DSG4: variants seen among roughly 807,000 people sequenced by gnomAD.
The protein encoded by DSG4 is desmoglein 4, also known as desmoglein-4.
DSG4 carries 87 observed loss-of-function variants against 93.1 expected under a neutral mutation model. The observed-to-expected ratio is 0.93, with a 90% CI of 0.79 to 1.12. The LOEUF (loss-of-function observed/expected upper bound fraction) is 1.12. DSG4 is among the 50% of genes most tolerant of loss of function. The pLI is 0.00. For synonymous variants in DSG4, 432 were observed against 452.9 expected (o/e 0.95, Z 0.59); for missense variants, 1,373 against 1,285.7 (o/e 1.07, Z -1.04).
chr18:31,395,105 GGCATA>G (rs1285359967), intron 8 of DSG4, among the ~76,000 whole-genome samples: 16 of 152,104 alleles, frequency 1.1e-4, no homozygotes, highest in Admixed American at 2.6e-4. Flanking sequence ...TGAAACTAAT[GGCATA>G]GATATCATCC....
In DSG4 at chr18:31,411,433, C is replaced by T. The variant is rs1407754372; in HGVS notation, c.2340C>T (p.Asp780=). 1.2e-6 allele frequency: 2 copies of T among 1,611,918 alleles called. No individual in the cohort carries two copies. The highest frequency in any genetic ancestry group is 2.7e-5 in the African/African-American group (2 of 73,380). ...CAGACATCAACATGGCTTTCTTGGA[C>T]AGCTACTTCTCGGAGGTAATGCCCT... ...ADADINMAFL[D]SYFSEKAYAY... The change falls in exon 15 of 16, where the codon GAC becomes GAT. Residue 780 remains aspartate (D), a synonymous_variant. Transcript: ENST00000308128.
chr18:31,397,673 C>G (rs1489682494), intron 8 of DSG4, among the ~76,000 whole-genome samples: 1 of 152,028 alleles, frequency 6.6e-6, no homozygotes, highest in African/African-American at 2.4e-5. Flanking sequence ...AATATTCTTA[C>G]AAGCAAAAGT....
chr18:31,412,697 G>A (rs2072507418), intron 15 of DSG4, 131 bp from the exon 16 acceptor site: 2 of 897,354 alleles, frequency 2.2e-6, no homozygotes, highest in Non-Finnish European at 3.4e-6. Flanking sequence ...TTATTTTAAT[G>A]AGTGATTGAT....
At position 31,376,941 on chromosome 18, in the gene DSG4, C is replaced by T. The variant is rs36101975; in HGVS notation, c.30C>T (p.Cys10=). MDWLFFRNI[C]LLIILMVVME... ...ATTGGCTCTTCTTCAGAAACATTTG[C>T]CTTTTGATCATTCTAATGGTAAGTA... The change falls in exon 1 of 16, where the codon TGC becomes TGT. Residue 10 remains cysteine, a synonymous_variant. Coordinates refer to ENST00000308128, the MANE Select transcript of DSG4 (RefSeq NM_177986.5). The T allele has an allele frequency of 0.14, 228,338 of 1,612,720 alleles. 16,562 individuals carry two copies. Among genetic ancestry groups the T allele is most frequent in the Middle Eastern group, 0.21 (1,252 of 6,056 alleles).
In DSG4 at chr18:31,399,366, T is replaced by C. The variant is rs1238141961; in HGVS notation, c.1100T>C (p.Met367Thr). 1.2e-6 allele frequency: 2 copies of C among 1,614,082 alleles called. No individual in the cohort carries two copies. Among genetic ancestry groups the C allele is most frequent in the South Asian group, 1.1e-5 (1 of 91,086 alleles). Residue 367 changes from methionine to threonine, a missense_variant, in exon 9 of 16, where the codon ATG becomes ACG. By Grantham distance (81) the Met-to-Thr change is moderately conservative (BLOSUM62 -1). Coordinates refer to ENST00000308128, the MANE Select transcript of DSG4 (RefSeq NM_177986.5). ...FHYSVASQFQ[M>T]HPTPVRIQVV... Reference sequence around the variant, plus strand: ...TACTCCGTTGCTTCTCAATTCCAAATGCACCCAACCCCTGTGAGAATTCAA... The same window carrying C: ...TACTCCGTTGCTTCTCAATTCCAAACGCACCCAACCCCTGTGAGAATTCAA...
intron 11 of DSG4, among the ~76,000 whole-genome samples, chr18:31,404,846 C>T (rs894448475): frequency 6.6e-6 from 1 of 152,006 alleles, no homozygotes; most frequent in Non-Finnish European, 1.5e-5. Flanking sequence ...CACTTTTTTC[C>T]TCATTCGGAT....
At chr18:31,389,164 A>G (rs948184607) in intron 5 of DSG4, 146 bp downstream of exon 5, 75 of 916,054 alleles carry the variant, frequency 8.2e-5, no homozygotes, top group Non-Finnish European at 1.2e-4. Flanking sequence ...TTAATTTATA[A>G]CTGAGCTAGA....
At chr18:31,379,564 A>G (rs951623141) in intron 1 of DSG4, among the ~76,000 whole-genome samples, 52 of 152,194 alleles carry the variant, frequency 3.4e-4, no homozygotes, top group Non-Finnish European at 2.9e-5. Context: ...CATTTATCAG[A>G]TAAGAATTTT....
At chr18:31,392,489 G>A in intron 8 of DSG4, 149 bp downstream of exon 8, 2 of 812,500 alleles carry the variant, frequency 2.5e-6, no homozygotes, top group South Asian at 3.2e-5. Context: ...TAACTGCTAT[G>A]TCAGTCTGAG....
chr18:31,394,602 C>G (rs1455725845), intron 8 of DSG4, among the ~76,000 whole-genome samples: 2 of 151,072 alleles, frequency 1.3e-5, no homozygotes, highest in Admixed American at 6.6e-5. Context: ...GAAAAGACCA[C>G]AGTTATAAAA....
intron 12 of DSG4, among the ~76,000 whole-genome samples, chr18:31,409,217 G>A (rs1212736395): frequency 1.3e-5 from 2 of 152,138 alleles, no homozygotes; most frequent in Non-Finnish European, 2.9e-5. Context: ...TCAATTACCT[G>A]ATCGCAAACT....
chr18:31,403,355 T>G (rs557277321), intron 10 of DSG4, 61 bp from the exon 11 acceptor site: 1 of 1,352,720 alleles, frequency 7.4e-7, no homozygotes, highest in East Asian at 2.4e-5. Flanking sequence ...TCAGGGGATA[T>G]GAGAAAGAGT....
rs781483894 is a variant in DSG4 at position 31,388,376 on chromosome 18, G to C, written c.226G>C (p.Asp76His). The C allele has an allele frequency of 2.8e-5, 45 of 1,613,150 alleles. No individual in the cohort carries two copies. Among genetic ancestry groups the C allele is most frequent in the Non-Finnish European group, 3.7e-5 (44 of 1,179,428 alleles). ...KRNPIAKIRS[D>H]CESNQKITYR... ...GCTATTTTTCTTATAGATTCGATCAGACTGCGAATCGAACCAGAAGATAAC... is the reference window on the plus strand; with the variant it reads ...GCTATTTTTCTTATAGATTCGATCACACTGCGAATCGAACCAGAAGATAAC... Residue 76 changes from aspartate to histidine, a missense_variant, in exon 4 of 16, where the codon GAC becomes CAC. Coordinates refer to ENST00000308128, the MANE Select transcript of DSG4 (RefSeq NM_177986.5).
At chr18:31,388,287 C>A in intron 3 of DSG4, 80 bp from the exon 4 acceptor site, 1 of 1,525,366 alleles carries the variant, frequency 6.6e-7, no homozygotes, top group Non-Finnish European at 9.0e-7. Flanking sequence ...GTAAAGAAAC[C>A]CACTCCCTTC....
chr18:31,383,023 G>A (rs935234160), intron 1 of DSG4, among the ~76,000 whole-genome samples: 6 of 152,216 alleles, frequency 3.9e-5, no homozygotes, highest in Non-Finnish European at 7.3e-5. Context: ...TCTGCTTGAT[G>A]TGGCTACTTT....
At chr18:31,393,045 A>G (rs1489985443) in intron 8 of DSG4, among the ~76,000 whole-genome samples, 2 of 152,334 alleles carry the variant, frequency 1.3e-5, no homozygotes, top group South Asian at 2.1e-4. Flanking sequence ...CAATGATAAA[A>G]CTGAAAAATT....
chr18:31,389,251 GCTTAGCAC>G (rs1399191733), intron 5 of DSG4, among the ~76,000 whole-genome samples: 1 of 152,172 alleles, frequency 6.6e-6, no homozygotes, highest in African/African-American at 2.4e-5. Flanking sequence ...TTTAGCAGGT[GCTTAGCAC>G]CTTGCTTAAA....
chr18:31,402,795 C>A (rs2072382713), intron 10 of DSG4, among the ~76,000 whole-genome samples: 1 of 152,074 alleles, frequency 6.6e-6, no homozygotes, highest in Non-Finnish European at 1.5e-5. Context: ...AGTCTTTGGC[C>A]CTTTCTGATT....
chr18:31,386,018 T>A (rs1038794674), intron 2 of DSG4, among the ~76,000 whole-genome samples: 1 of 152,050 alleles, frequency 6.6e-6, no homozygotes, highest in Non-Finnish European at 1.5e-5. Flanking sequence ...TAAGTATACA[T>A]CAATAGCAGC....
Sources: gnomAD v4.1 joint callset for allele counts (sites outside exome capture counted in the v4.1 genomes callset) on GRCh38, gnomAD v4.1.1 for gene constraint, MANE v1.5 for transcripts, NCBI Gene and HGNC (gene_info 2026-07-23, HGNC 2026-07-21) for gene names.